Variants in CSMD3 observed in about 807,000 individuals in gnomAD.
The protein encoded by CSMD3 is CUB and Sushi multiple domains 3, also known as CUB and sushi domain-containing protein 3.
In CSMD3, 177 loss-of-function variants were observed where a neutral mutation model predicts 435.2. That is an observed-to-expected ratio of 0.41 (90% CI 0.36 to 0.46). CSMD3 has a LOEUF of 0.46. CSMD3 is among the 20% of genes least tolerant of loss of function. The pLI, the probability that CSMD3 is intolerant of heterozygous loss-of-function variation, is 0.34. For missense variants in CSMD3, 4,265 were observed against 4,504.6 expected (o/e 0.95, Z 1.52); for synonymous variants, 1,656 against 1,520.5 (o/e 1.09, Z -2.07).
At chr8:112,903,824 T>G (rs1331883563) in intron 10 of CSMD3, among the ~76,000 whole-genome samples, 1 of 151,378 alleles carries the variant, frequency 6.6e-6, no homozygotes, top group Non-Finnish European at 1.5e-5. Context: ...ATATTTTTTC[T>G]ACCTTTATTC....
At chr8:112,772,129 A>G (rs2132201981) in intron 13 of CSMD3, among the ~76,000 whole-genome samples, 1 of 152,146 alleles carries the variant, frequency 6.6e-6, no homozygotes, top group South Asian at 2.1e-4. Context: ...GGCTCAAGGT[A>G]GAAGGTTTCA....
At chr8:112,478,806 G>T (rs1358669534) in intron 31 of CSMD3, among the ~76,000 whole-genome samples, 1 of 152,092 alleles carries the variant, frequency 6.6e-6, no homozygotes, top group East Asian at 1.9e-4. Flanking sequence ...GTTCCTGTTC[G>T]CCTGCCCTTT....
intron 45 of CSMD3, 91 bp from the exon 46 acceptor site, chr8:112,320,072 T>C: frequency 1.3e-6 from 1 of 780,716 alleles, no homozygotes; most frequent in Non-Finnish European, 2.2e-6. Flanking sequence ...GAAAGTTGTT[T>C]AAAAAAATAA....
intron 6 of CSMD3, chr8:113,018,771 A>T (rs2086569864): frequency 2.8e-6 from 1 of 360,668 alleles, no homozygotes; most frequent in South Asian, 3.3e-5. Flanking sequence ...GTACAACTTC[A>T]GATAGTATAT....
chr8:112,602,750 A>T (rs916548490), intron 22 of CSMD3, among the ~76,000 whole-genome samples: 16 of 151,832 alleles, frequency 1.1e-4, no homozygotes, highest in African/African-American at 3.9e-4. Context: ...TAGAGCAAAA[A>T]TGTTATTAAG....
intron 6 of CSMD3, among the ~76,000 whole-genome samples, chr8:112,979,552 C>A (rs543087070): frequency 6.6e-6 from 1 of 151,450 alleles, no homozygotes; most frequent in East Asian, 1.9e-4. Flanking sequence ...TGGAAAAAGT[C>A]TTAGAATTAT....
Position 113,290,798 on chromosome 8 carries a change from A to C in CSMD3, c.402-12094T>G, listed in dbSNP as rs963118773. Among the ~76,000 whole-genome samples the C allele has an allele frequency of 2.0e-5, 3 of 151,618 alleles. No homozygotes were observed. The East Asian group carries it at 5.8e-4, about 29-fold the overall frequency. ...GATCATTATTTTCTTGTCACATGAA[A>C]AGCCATTCAGTCAATTATTATACTA... On this transcript the variant is annotated intron_variant, in intron 2 of 70. Coordinates refer to ENST00000297405, the MANE Select transcript of CSMD3 (RefSeq NM_198123.2).
At chr8:112,902,787 AC>A (rs1441835105) in intron 10 of CSMD3, among the ~76,000 whole-genome samples, 8 of 151,340 alleles carry the variant, frequency 5.3e-5, no homozygotes, top group African/African-American at 1.9e-4. Flanking sequence ...ACCTATTGTC[AC>A]AAAAAGCATT....
At chr8:113,341,255 C>A (rs929455603) in intron 1 of CSMD3, among the ~76,000 whole-genome samples, 3 of 151,966 alleles carry the variant, frequency 2.0e-5, no homozygotes, top group African/African-American at 7.3e-5. Context: ...ATATACAATA[C>A]CTTGCTGTTA....
intron 13 of CSMD3, among the ~76,000 whole-genome samples, chr8:112,756,013 C>T (rs1029512129): frequency 1.3e-5 from 2 of 151,790 alleles, no homozygotes; most frequent in African/African-American, 4.8e-5. Context: ...GGAATTGGTG[C>T]TACATATCCT....
chr8:113,193,019 G>A (rs2092607451), intron 3 of CSMD3, among the ~76,000 whole-genome samples: 1 of 151,442 alleles, frequency 6.6e-6, no homozygotes, highest in Non-Finnish European at 1.5e-5. Context: ...CATTATAACA[G>A]CATTTCTTTC....
At chr8:113,111,289 T>C (rs1239949721) in intron 4 of CSMD3, among the ~76,000 whole-genome samples, 2 of 152,218 alleles carry the variant, frequency 1.3e-5, no homozygotes, top group Admixed American at 6.5e-5. Flanking sequence ...ATGTTTACTA[T>C]GTGGGATAAT....
At chr8:113,364,167 T>C (rs2094296203) in intron 1 of CSMD3, among the ~76,000 whole-genome samples, 1 of 152,206 alleles carries the variant, frequency 6.6e-6, no homozygotes, top group Admixed American at 6.5e-5. Flanking sequence ...TTGGCTTACT[T>C]ATCCTTACCA....
intron 17 of CSMD3, among the ~76,000 whole-genome samples, chr8:112,662,607 G>A (rs2075413840): frequency 6.6e-6 from 1 of 152,164 alleles, no homozygotes; most frequent in Non-Finnish European, 1.5e-5. Context: ...CAGGACATAG[G>A]CATGTGCAGG....
chr8:112,320,736 G>T (rs1366179288), intron 45 of CSMD3, among the ~76,000 whole-genome samples: 1 of 150,080 alleles, frequency 6.7e-6, no homozygotes, highest in African/African-American at 2.5e-5. Flanking sequence ...TGAGTGAATT[G>T]CCCCCATTCT....
chr8:113,251,434 T>C (rs893901704), intron 3 of CSMD3, among the ~76,000 whole-genome samples: 9 of 152,038 alleles, frequency 5.9e-5, no homozygotes, highest in African/African-American at 2.2e-4. Context: ...TTTTTCTCCT[T>C]AATTTTAATT....
At chr8:112,577,098 T>C (rs914631685) in intron 23 of CSMD3, among the ~76,000 whole-genome samples, 1 of 152,102 alleles carries the variant, frequency 6.6e-6, no homozygotes, top group African/African-American at 2.4e-5. Context: ...ATTCAACTGT[T>C]AAATTTTGGA....
intron 59 of CSMD3, among the ~76,000 whole-genome samples, chr8:112,267,680 A>G (rs1239953538): frequency 1.3e-5 from 2 of 152,168 alleles, no homozygotes; most frequent in African/African-American, 4.8e-5. Context: ...CACAGGGCAC[A>G]TGAGCTGAGA....
chr8:112,475,568 C>T (rs1437260993), intron 31 of CSMD3, among the ~76,000 whole-genome samples: 2 of 152,026 alleles, frequency 1.3e-5, no homozygotes, highest in African/African-American at 2.4e-5. Context: ...TAACTATGCT[C>T]TGAGATACAC....
Sources: allele counts gnomAD v4.1 joint callset (sites outside exome capture counted in the v4.1 genomes callset), GRCh38; gene constraint gnomAD v4.1.1; transcripts MANE v1.5; gene names NCBI Gene and HGNC (gene_info 2026-07-23, HGNC 2026-07-21).